SH3KBP1: variants seen among roughly 807,000 people sequenced by gnomAD.
SH3KBP1 encodes the protein SH3 domain-containing kinase-binding protein 1.
Under a neutral mutation model 50.1 loss-of-function variants are expected in SH3KBP1, and 8 were observed. That is an observed-to-expected ratio of 0.16 (90% CI 0.09 to 0.29). SH3KBP1 has a LOEUF of 0.29. SH3KBP1 is among the 10% of genes least tolerant of loss of function. The pLI is 1.00. For missense variants in SH3KBP1, 377 were observed against 535.2 expected (o/e 0.70, Z 2.92); for synonymous variants, 227 against 218.6 (o/e 1.04, Z -0.34).
At chrX:19,643,280 G>A (rs927731483) in intron 7 of SH3KBP1, among the ~76,000 whole-genome samples, 2 of 104,210 alleles carry the variant, frequency 1.9e-5, no homozygotes, top group Non-Finnish European at 3.9e-5. Context: ...GAGACAGTGT[G>A]TGTGGGCTGA....
At chrX:19,771,027 T>A (rs1294925816) in intron 2 of SH3KBP1, among the ~76,000 whole-genome samples, 1 of 112,109 alleles carries the variant, frequency 8.9e-6, no homozygotes, top group Non-Finnish European at 1.9e-5. Context: ...ACATACTGAA[T>A]TTTTAAGGTT....
intron 13 of SH3KBP1, among the ~76,000 whole-genome samples, chrX:19,550,947 T>C (rs1602432291): frequency 9.0e-6 from 1 of 111,359 alleles, no homozygotes; most frequent in African/African-American, 3.3e-5. Flanking sequence ...ACATCCTAAC[T>C]GCCATAACTG....
At chrX:19,831,248 C>T (rs148576119) in intron 2 of SH3KBP1, among the ~76,000 whole-genome samples, 77 of 109,774 alleles carry the variant, frequency 7.0e-4, no homozygotes, top group Admixed American at 1.8e-3. Flanking sequence ...AAAACCCCAT[C>T]TCCACTAAAA....
chrX:19,629,805 T>C (rs2061535611), intron 8 of SH3KBP1, among the ~76,000 whole-genome samples: 1 of 112,356 alleles, frequency 8.9e-6, no homozygotes, highest in Admixed American at 9.4e-5. Context: ...TTAATAGCAG[T>C]GCGCTGCTTC....
intron 2 of SH3KBP1, among the ~76,000 whole-genome samples, chrX:19,754,162 C>T (rs1377336464): frequency 8.9e-6 from 1 of 111,986 alleles, no homozygotes; most frequent in African/African-American, 3.2e-5. Flanking sequence ...AAGAAAATAA[C>T]AAGAACATGA....
chrX:19,741,961 A>C (rs752937044), intron 3 of SH3KBP1, among the ~76,000 whole-genome samples: 1 of 112,214 alleles, frequency 8.9e-6, no homozygotes, highest in South Asian at 3.7e-4. Context: ...ATGCACTGTT[A>C]ACAGTGCAAA....
At chrX:19,671,014 ACAAAGCTCGC>A in intron 6 of SH3KBP1, 1 of 1,055,662 alleles carries the variant, frequency 9.5e-7, no homozygotes, top group Non-Finnish European at 1.2e-6. Flanking sequence ...AATGGGGAGA[ACAAAGCTCGC>A]ATTTGTTTAT....
chrX:19,599,014 A>G (rs67472848), intron 9 of SH3KBP1, among the ~76,000 whole-genome samples: 3,945 of 111,738 alleles, frequency 0.035, 163 homozygotes, highest in African/African-American at 0.11. Flanking sequence ...CTGAAACACA[A>G]TGAAGGAATG....
intron 2 of SH3KBP1, among the ~76,000 whole-genome samples, chrX:19,815,761 A>C (rs2067335846): frequency 8.9e-6 from 1 of 111,849 alleles, no homozygotes; most frequent in Non-Finnish European, 1.9e-5. Flanking sequence ...ACAGTGTGTA[A>C]CATCTTAGGT....
intron 12 of SH3KBP1, among the ~76,000 whole-genome samples, chrX:19,584,581 C>T (rs770881655): frequency 4.5e-5 from 5 of 110,313 alleles, no homozygotes; most frequent in Admixed American, 2.0e-4. Context: ...TATCCTTCCA[C>T]CTTGGTCTCC....
At chrX:19,627,938 C>T (rs968455780) in intron 8 of SH3KBP1, among the ~76,000 whole-genome samples, 2 of 112,378 alleles carry the variant, frequency 1.8e-5, no homozygotes, top group Non-Finnish European at 3.8e-5. Context: ...AATAAATATG[C>T]GTATCAGAAT....
intron 8 of SH3KBP1, among the ~76,000 whole-genome samples, chrX:19,609,288 C>T (rs2067336173): frequency 8.9e-6 from 1 of 111,897 alleles, no homozygotes; most frequent in Non-Finnish European, 1.9e-5. Context: ...TAAACCTCCT[C>T]ACTTGGGCAA....
At chrX:19,655,362 T>A (rs991697665) in intron 6 of SH3KBP1, among the ~76,000 whole-genome samples, 4 of 111,571 alleles carry the variant, frequency 3.6e-5, no homozygotes, top group Non-Finnish European at 7.5e-5. Flanking sequence ...TTTAAAGGGT[T>A]CAAAATTTGG....
intron 12 of SH3KBP1, among the ~76,000 whole-genome samples, chrX:19,576,765 C>T (rs1313582672): frequency 8.9e-6 from 1 of 112,093 alleles, no homozygotes; most frequent in Non-Finnish European, 1.9e-5. Flanking sequence ...CTTGAGGTAC[C>T]TACTATGCGC....
chrX:19,669,376 T>C (rs1269797321), intron 6 of SH3KBP1, among the ~76,000 whole-genome samples: 4 of 108,472 alleles, frequency 3.7e-5, no homozygotes, highest in Non-Finnish European at 7.6e-5. Flanking sequence ...GTAACAGAGC[T>C]ACCTCCATTT....
chrX:19,879,577 C>T (rs1274962732), intron 1 of SH3KBP1, among the ~76,000 whole-genome samples: 1 of 112,103 alleles, frequency 8.9e-6, no homozygotes, highest in East Asian at 2.8e-4. Context: ...TTACAGGGGC[C>T]AAACACTACC....
At chrX:19,852,697 T>C (rs1429401502) in intron 1 of SH3KBP1, among the ~76,000 whole-genome samples, 1 of 106,157 alleles carries the variant, frequency 9.4e-6, no homozygotes, top group Non-Finnish European at 1.9e-5. Context: ...ATATAGGCAG[T>C]AGGTTCAAAT....
In SH3KBP1 at chrX:19,628,837, C is replaced by T. The variant is rs1343459956; in HGVS notation, c.897+3027G>A. 5.4e-5 allele frequency among the ~76,000 whole-genome samples: 6 copies of T among 111,741 alleles called. No individual in the cohort carries two copies. The East Asian group carries it at 1.7e-3, about 31-fold the overall frequency. On this transcript the variant is annotated intron_variant, in intron 8 of 17. Coordinates refer to ENST00000397821, the MANE Select transcript of SH3KBP1 (RefSeq NM_031892.3). ...CTAGGCCGGCTGCAGTGGCTCACGCCTGTAATCACAGCACTTTGGGAGGCT... is the reference window on the plus strand; with the variant it reads ...CTAGGCCGGCTGCAGTGGCTCACGCTTGTAATCACAGCACTTTGGGAGGCT...
intron 1 of SH3KBP1, among the ~76,000 whole-genome samples, chrX:19,878,543 G>T (rs768794503): frequency 9.6e-6 from 1 of 103,702 alleles, no homozygotes; most frequent in Non-Finnish European, 2.0e-5. Context: ...AAAATAAAGG[G>T]CCTCCCAAGG....
Sources: allele counts gnomAD v4.1 joint callset (sites outside exome capture counted in the v4.1 genomes callset), GRCh38; gene constraint gnomAD v4.1.1; transcripts MANE v1.5; gene names NCBI Gene and HGNC (gene_info 2026-07-23, HGNC 2026-07-21).